The following CLCN1 variants were observed in gnomAD, a reference collection of about 807,000 sequenced individuals.
CLCN1 encodes chloride channel protein 1.
CLCN1 carries 100 observed loss-of-function variants against 114.5 expected under a neutral mutation model. The observed-to-expected ratio is 0.87, with a 90% confidence interval of 0.74 to 1.03. The LOEUF (loss-of-function observed/expected upper bound fraction) is 1.03. CLCN1 is among the 50% of genes least tolerant of loss of function. The pLI, the probability that CLCN1 is intolerant of heterozygous loss-of-function variation, is 0.00. For synonymous variants in CLCN1, 485 were observed against 487.1 expected (o/e 1.00, Z 0.06); for missense variants, 1,188 against 1,250.0 (o/e 0.95, Z 0.75).
In CLCN1 at chr7:143,339,270, G is replaced by A. The variant is rs778439511; in HGVS notation, c.1419G>A (p.Val473=). Residue 473 remains valine, a synonymous_variant, in exon 13 of 23, where the codon GTG becomes GTA. Coordinates refer to ENST00000343257, the MANE Select transcript of CLCN1 (RefSeq NM_000083.3). The surrounding 1 kb of genome is among the most constrained non-coding windows in gnomAD (Gnocchi z 4.1). ...FFVMKFWMSI[V]ATTMPIPCGG... Reference sequence around the variant, plus strand: ...TACTCCAGTTCTGGATGTCCATCGTGGCCACCACTATGCCCATACCCTGCG... The same window carrying A: ...TACTCCAGTTCTGGATGTCCATCGTAGCCACCACTATGCCCATACCCTGCG... 1.2e-6 allele frequency: 2 copies of A among 1,611,998 alleles called. No individual in the cohort carries two copies. The highest frequency in any genetic ancestry group is 1.7e-6 in the Non-Finnish European group (2 of 1,178,032).
chr7:143,327,550 G>A (rs979500141), intron 7 of CLCN1, among the ~76,000 whole-genome samples: 12 of 152,318 alleles, frequency 7.9e-5, no homozygotes, highest in African/African-American at 1.9e-4. Flanking sequence ...ACAAGAAGAC[G>A]ATTGTCATAG....
Position 143,342,384 on chromosome 7 carries a change from C to T in CLCN1, c.1809C>T (p.Ile603=). 1 of 1,614,152 alleles carries T rather than the reference C, an allele frequency of 6.2e-7. No homozygotes were observed. The highest frequency in any genetic ancestry group is 8.5e-7 in the Non-Finnish European group (1 of 1,179,984). ...TCTCCCTCCATAGCAAATATACCAT[C>T]TTTGTTGAGGACATCATGGTACGTG... ...LGWNQLSKYT[I]FVEDIMVRDV... Residue 603 remains isoleucine (I), a synonymous_variant, in exon 16 of 23, where the codon ATC becomes ATT. Coordinates refer to ENST00000343257, the MANE Select transcript of CLCN1 (RefSeq NM_000083.3).
intron 7 of CLCN1, among the ~76,000 whole-genome samples, chr7:143,328,991 G>A (rs4726605): frequency 0.85 from 123,519 of 144,530 alleles, 53,167 homozygotes; most frequent in Middle Eastern, 0.92. Flanking sequence ...TTTTCAAGAT[G>A]GAGTCTTGCT....
intron 18 of CLCN1, 60 bp from the exon 19 acceptor site, chr7:143,346,519 G>T: frequency 7.4e-7 from 1 of 1,350,744 alleles, no homozygotes; most frequent in Non-Finnish European, 1.1e-6. Flanking sequence ...CACTGGGTGG[G>T]GCCCCTGGCC....
intron 7 of CLCN1, among the ~76,000 whole-genome samples, chr7:143,325,814 G>A (rs1316301160): frequency 6.6e-6 from 1 of 152,110 alleles, no homozygotes; most frequent in Admixed American, 6.5e-5. Context: ...TATGGGAGAG[G>A]TAAAGATCAC....
In CLCN1 at chr7:143,319,693, CTCTG is replaced by C. The variant is rs1484960489; in HGVS notation, c.181-58_181-55del. On this transcript the variant is annotated intron_variant, in intron 1 of 22. Transcript: ENST00000343257. The stretch of plus-strand genomic sequence containing the variant: ...TTCTTCTGTGAGTCTGTCTGCTGGC[CTCTG>C]TCTATTATTTTTTTAGTCTTCCACA... The C allele has an allele frequency of 2.3e-5, 36 of 1,566,644 alleles. No individual in the cohort carries two copies. In the East Asian group the frequency reaches 6.5e-4, roughly 28 times the overall value.
intron 12 of CLCN1, among the ~76,000 whole-genome samples, chr7:143,334,248 C>G (rs903923588): frequency 2.7e-5 from 4 of 149,816 alleles, no homozygotes; most frequent in Non-Finnish European, 4.4e-5. Context: ...CCTTTTTTTT[C>G]TTTTGTGATG....
In CLCN1 at chr7:143,346,200, A is replaced by G. The variant is rs745586869; in HGVS notation, c.2233A>G (p.Asn745Asp). 1.2e-6 allele frequency: 2 copies of G among 1,613,884 alleles called. No individual in the cohort carries two copies. Among genetic ancestry groups the G allele is most frequent in the Admixed American group, 3.3e-5 (2 of 60,014 alleles). Residue 745 changes from asparagine to aspartate, a missense_variant, in exon 18 of 23, where the codon AAT (asparagine) becomes GAT (aspartate). By Grantham distance (23) the Asn-to-Asp change is conservative. Transcript: ENST00000343257. ...TTAPLSPEEPNGPLPGHKQQP... is the reference protein window; with the variant it reads ...TTAPLSPEEPDGPLPGHKQQP... ...TGCCCCTCTGTCCCCAGAAGAGCCC[A>G]ATGGGCCTCTGCCTGGCCACAAACA...
At chr7:143,340,785 G>A (rs1266590931) in intron 14 of CLCN1, among the ~76,000 whole-genome samples, 3 of 152,044 alleles carry the variant, frequency 2.0e-5, no homozygotes, top group South Asian at 2.1e-4. Context: ...CACCTGTCTC[G>A]GCCTCCCAGA....
At chr7:143,329,455 G>A (rs974754639) in intron 7 of CLCN1, among the ~76,000 whole-genome samples, 1 of 152,204 alleles carries the variant, frequency 6.6e-6, no homozygotes, top group Admixed American at 6.5e-5. Flanking sequence ...GAAATCCTCT[G>A]CCAAACTGTA....
chr7:143,350,345 T>C lies in CLCN1; in HGVS notation c.2404-27T>C. 6.3e-7 allele frequency: 1 copy of C among 1,595,574 alleles called. No individual in the cohort carries two copies. Among genetic ancestry groups the C allele is most frequent in the Non-Finnish European group, 8.6e-7 (1 of 1,164,166 alleles). On this transcript the variant is annotated intron_variant, in intron 20 of 22. Transcript: ENST00000343257. The surrounding 1 kb of genome is among the most constrained non-coding windows in gnomAD (Gnocchi z 5.1). ...GGGGTGAAAGGAGGCTCTGTGATTTTCGTGACTTTCCTCCTCTGGCTGACA... is the reference window on the plus strand; with the variant it reads ...GGGGTGAAAGGAGGCTCTGTGATTTCCGTGACTTTCCTCCTCTGGCTGACA...
At position 143,321,520 on chromosome 7, in the gene CLCN1, T is replaced by G. The variant is rs1802433873; in HGVS notation, c.562+27T>G. On this transcript the variant is annotated intron_variant, in intron 4 of 22. Transcript: ENST00000343257. This position sits in a 1 kb window ranked among gnomAD's most constrained non-coding sequence, Gnocchi z 4.2. ...TGAGAACTTGCCACCAGACTCGGCC[T>G]GAGCTGGGTGGCCTGAGAGGGGCCC... 6.2e-7 allele frequency: 1 copy of G among 1,613,774 alleles called. No homozygotes were observed. Among genetic ancestry groups the G allele is most frequent in the African/African-American group, 1.3e-5 (1 of 74,912 alleles).
At chr7:143,342,187 T>C (rs765148839) in intron 15 of CLCN1, 45 bp downstream of exon 15, 5 of 1,579,664 alleles carry the variant, frequency 3.2e-6, no homozygotes, top group Non-Finnish European at 4.3e-6. Context: ...ATGGGGAGAG[T>C]GGGAGGTTCT....
rs1417174086 is a variant in CLCN1 at position 143,345,648 on chromosome 7, C to G, written c.2058C>G (p.Tyr686Ter). The change falls in exon 17 of 23, where the codon TAC becomes TAG. Residue 686 changes from tyrosine (Y) to a stop codon, truncating the protein, a stop_gained. Coordinates refer to ENST00000343257, the MANE Select transcript of CLCN1 (RefSeq NM_000083.3). LOFTEE classifies it high-confidence loss of function. The stretch of plus-strand genomic sequence containing the variant: ...CGCGGAAGTTGTCGGAGCTGCCTTA[C>G]GACGGGAAGGCGCGGCTGGCTGGGG... ...EMARKLSELP[Y>*]DGKARLAGEG... The G allele has an allele frequency of 4.5e-6, 7 of 1,566,024 alleles. No individual in the cohort carries two copies. The highest frequency in any genetic ancestry group is 1.2e-5 in the South Asian group (1 of 85,254).
chr7:143,349,204 C>T (rs906530131), intron 20 of CLCN1, among the ~76,000 whole-genome samples: 12 of 152,184 alleles, frequency 7.9e-5, no homozygotes, highest in Non-Finnish European at 1.6e-4. Context: ...CCGTCCTATA[C>T]CTAAATCTTC....
At chr7:143,319,680 T>C in intron 1 of CLCN1, 75 bp from the exon 2 acceptor site, 1 of 1,486,120 alleles carries the variant, frequency 6.7e-7, no homozygotes, top group Non-Finnish European at 9.4e-7. Flanking sequence ...CTTCTGTGAG[T>C]CTGTCTGCTG....
At position 143,319,871 on chromosome 7, in the gene CLCN1, T is replaced by C. The variant is rs1364971326; in HGVS notation, c.297T>C (p.Cys99=). Residue 99 remains cysteine, a synonymous_variant, in exon 2 of 23, where the codon TGT becomes TGC. Coordinates refer to ENST00000343257, the MANE Select transcript of CLCN1 (RefSeq NM_000083.3). ...AGGATGAGGATCACTATTCTAAATGTCAAGGTGATGGGGACTGAGGAATAA... is the reference window on the plus strand; with the variant it reads ...AGGATGAGGATCACTATTCTAAATGCCAAGGTGATGGGGACTGAGGAATAA... ...DSKDEDHYSK[C]QDCIHRLGQV... 6.2e-7 allele frequency: 1 copy of C among 1,613,762 alleles called. No homozygotes were observed. Among genetic ancestry groups the C allele is most frequent in the Non-Finnish European group, 8.5e-7 (1 of 1,179,752 alleles).
In CLCN1 at chr7:143,339,374, A is replaced by G; in HGVS notation, c.1471+52A>G. The G allele has an allele frequency of 2.1e-6, 3 of 1,460,390 alleles. No homozygotes were observed. The highest frequency in any genetic ancestry group is 2.9e-6 in the Non-Finnish European group (3 of 1,039,902). The allele number at this position is 1,460,390 out of a possible 1,614,324, so 90.5% of individuals were successfully genotyped here. On this transcript the variant is annotated intron_variant, in intron 13 of 22. Coordinates refer to ENST00000343257, the MANE Select transcript of CLCN1 (RefSeq NM_000083.3). The surrounding 1 kb of genome is among the most constrained non-coding windows in gnomAD (Gnocchi z 4.1). ...CTGACTGAGAGTTGCAATCTAGGAT[A>G]CAGGAAACATAAGGAAAGGCCCGGG...
At chr7:143,343,745 T>C (rs1379676332) in intron 16 of CLCN1, among the ~76,000 whole-genome samples, 1 of 152,026 alleles carries the variant, frequency 6.6e-6, no homozygotes, top group Admixed American at 6.5e-5. Flanking sequence ...TTTCTTTCTT[T>C]CTCTTTCTCT....
Sources: gnomAD v4.1 joint callset for allele counts (sites outside exome capture counted in the v4.1 genomes callset) on GRCh38, gnomAD v4.1.1 for gene constraint, Gnocchi (gnomAD v3.1) non-coding constraint, MANE v1.5 for transcripts, NCBI Gene and HGNC (gene_info 2026-07-23, HGNC 2026-07-21) for gene names.